SLCO1A2: variants seen among roughly 807,000 people sequenced by gnomAD.
SLCO1A2 encodes solute carrier organic anion transporter family member 1A2, also known as OATP-1.
SLCO1A2 carries 67 observed loss-of-function variants against 69.0 expected under a neutral mutation model. The observed-to-expected ratio is 0.97, with a 90% CI of 0.80 to 1.19. SLCO1A2 has a LOEUF of 1.19. Among genes scored for constraint, SLCO1A2 ranks in the 50% most tolerant of loss-of-function variants. The pLI, the probability that SLCO1A2 is intolerant of heterozygous loss-of-function variation, is 0.00. For missense variants in SLCO1A2, 787 were observed against 793.7 expected (o/e 0.99, Z 0.10); for synonymous variants, 260 against 265.9 (o/e 0.98, Z 0.22).
intron 3 of SLCO1A2, among the ~76,000 whole-genome samples, chr12:21,317,660 G>C (rs1306894542): frequency 2.0e-5 from 3 of 152,142 alleles, no homozygotes. Flanking sequence ...GGTGATACAG[G>C]CTAAGATCTA....
At chr12:21,338,046 C>T (rs1264745965), upstream of SLCO1A2, among the ~76,000 whole-genome samples, 1 of 151,926 alleles carries the variant, frequency 6.6e-6, no homozygotes, top group Non-Finnish European at 1.5e-5. Flanking sequence ...GATAATAGAC[C>T]AAGCAACAGA....
chr12:21,277,810 A>G (rs1944142193), intron 12 of SLCO1A2, among the ~76,000 whole-genome samples: 1 of 152,168 alleles, frequency 6.6e-6, no homozygotes, highest in African/African-American at 2.4e-5. Flanking sequence ...GACAGGAGGC[A>G]GAACTCAGGG....
chr12:21,370,020 G>C (rs1939664777), intron 2 of SLCO1A2, among the ~76,000 whole-genome samples: 1 of 152,048 alleles, frequency 6.6e-6, no homozygotes, highest in South Asian at 2.1e-4. Flanking sequence ...AATCATTCAA[G>C]GTGTTGTAAC....
At chr12:21,341,052 G>A (rs1464460205) in intron 2 of SLCO1A2, among the ~76,000 whole-genome samples, 1 of 151,960 alleles carries the variant, frequency 6.6e-6, no homozygotes, top group Non-Finnish European at 1.5e-5. Flanking sequence ...TATGACATAA[G>A]TATTATTCCC....
chr12:21,354,319 T>A (rs931175978), intron 2 of SLCO1A2, among the ~76,000 whole-genome samples: 12 of 152,200 alleles, frequency 7.9e-5, no homozygotes, highest in African/African-American at 2.9e-4. Flanking sequence ...AGCCAGGTAT[T>A]TTTTTACATG....
intron 2 of SLCO1A2, among the ~76,000 whole-genome samples, chr12:21,330,352 A>C (rs1952527823): frequency 6.6e-6 from 1 of 151,812 alleles, no homozygotes; most frequent in South Asian, 2.1e-4. Context: ...TAAATAAATA[A>C]ATAAATAAAA....
chr12:21,368,767 A>G (rs574906903), intron 2 of SLCO1A2, among the ~76,000 whole-genome samples: 1 of 152,242 alleles, frequency 6.6e-6, no homozygotes, highest in South Asian at 2.1e-4. Context: ...CCCAAAAGAA[A>G]CACTTTAAAA....
rs1296433052 is a variant in SLCO1A2, at chr12:21,264,645, T to TTAAG, written c.*4899_*4902dup. 18 of 152,188 alleles carry TTAAG rather than the reference T, an allele frequency of 1.2e-4. No individual in the cohort carries two copies. The highest frequency in any genetic ancestry group is 4.3e-4 in the African/African-American group (18 of 41,442). 9.4% of individuals were successfully genotyped at this position (152,188 alleles called of 1,614,324 possible). On this transcript the variant is annotated 3_prime_UTR_variant, in exon 15 of 15. Transcript: ENST00000683939. The stretch of plus-strand genomic sequence containing the variant: ...ATTTGCAATTTTTTTTGTTCATTTG[T>TTAAG]TAAGTAACATCATTCCTTAAATATA...
At chr12:21,364,301 T>G (rs1435050110) in intron 2 of SLCO1A2, among the ~76,000 whole-genome samples, 1 of 152,146 alleles carries the variant, frequency 6.6e-6, no homozygotes, top group South Asian at 2.1e-4. Context: ...AAAAACCACA[T>G]GATTATCTCA....
upstream of SLCO1A2, among the ~76,000 whole-genome samples, chr12:21,395,866 C>G (rs1285398454): frequency 6.6e-6 from 1 of 151,980 alleles, no homozygotes; most frequent in Admixed American, 6.6e-5. Context: ...ACCAAAAACC[C>G]ATCTGTACAT....
intron 12 of SLCO1A2, among the ~76,000 whole-genome samples, chr12:21,287,689 T>C (rs1299916489): frequency 2.5e-5 from 3 of 122,380 alleles, no homozygotes; most frequent in Non-Finnish European, 5.2e-5. Flanking sequence ...CCATAAAAAA[T>C]GATGAGTTCA....
At chr12:21,341,302 A>C (rs1953060427) in intron 2 of SLCO1A2, among the ~76,000 whole-genome samples, 1 of 151,992 alleles carries the variant, frequency 6.6e-6, no homozygotes, top group Non-Finnish European at 1.5e-5. Context: ...TTTCTGTATA[A>C]TCTATAGTTA....
intron 2 of SLCO1A2, among the ~76,000 whole-genome samples, chr12:21,357,607 A>G (rs17418255): frequency 0.044 from 6,760 of 152,356 alleles, 216 homozygotes; most frequent in Middle Eastern, 0.12. Flanking sequence ...TTTAGCGTCC[A>G]ATAGATGCTC....
intron 2 of SLCO1A2, chr12:21,319,726 G>T: frequency 3.8e-6 from 1 of 266,582 alleles, no homozygotes; most frequent in Non-Finnish European, 7.5e-6. Context: ...AATTTCCATA[G>T]GTTTTATCAA....
upstream of SLCO1A2, among the ~76,000 whole-genome samples, chr12:21,339,115 T>TA (rs1381839782): frequency 6.6e-6 from 1 of 152,024 alleles, no homozygotes; most frequent in East Asian, 1.9e-4. Flanking sequence ...TGAAATAAAA[T>TA]AGTCACTCTG....
At chr12:21,406,205 T>C (rs1941822449) in intron 1 of SLCO1A2, among the ~76,000 whole-genome samples, 1 of 152,254 alleles carries the variant, frequency 6.6e-6, no homozygotes, top group Admixed American at 6.5e-5. Context: ...TGTGTATGCG[T>C]GCATGCACGC....
intron 3 of SLCO1A2, among the ~76,000 whole-genome samples, chr12:21,317,952 C>T (rs1951088276): frequency 6.6e-6 from 1 of 152,066 alleles, no homozygotes; most frequent in Non-Finnish European, 1.5e-5. Flanking sequence ...CTAGAGGCTG[C>T]CTCTGAAATG....
At chr12:21,371,560 A>G (rs749371955) in intron 2 of SLCO1A2, among the ~76,000 whole-genome samples, 3 of 152,234 alleles carry the variant, frequency 2.0e-5, no homozygotes, top group African/African-American at 2.4e-5. Context: ...AGTATATGAA[A>G]TCAATGAACT....
intron 2 of SLCO1A2, among the ~76,000 whole-genome samples, chr12:21,326,714 G>T (rs375350889): frequency 6.6e-6 from 1 of 152,148 alleles, no homozygotes; most frequent in African/African-American, 2.4e-5. Flanking sequence ...ATAATTTAAG[G>T]TATCTGGTGG....
Sources: gnomAD v4.1 joint callset for allele counts (sites outside exome capture counted in the v4.1 genomes callset) on GRCh38, gnomAD v4.1.1 for gene constraint, MANE v1.5 for transcripts, NCBI Gene and HGNC (gene_info 2026-07-23, HGNC 2026-07-21) for gene names.